ONECUT2: variants seen among roughly 807,000 people sequenced by gnomAD.
ONECUT2 encodes the protein one cut domain family member 2.
ONECUT2 carries 10 observed loss-of-function variants against 27.9 expected under a neutral mutation model. The ratio of observed to expected loss-of-function variants is 0.36; its 90% CI spans 0.22 to 0.61. The LOEUF is 0.61. Among genes scored for constraint, ONECUT2 ranks in the 20% least tolerant of loss-of-function variants. ONECUT2 has a pLI of 0.73. For missense variants in ONECUT2, 686 were observed against 721.0 expected (o/e 0.95, Z 0.56); for synonymous variants, 334 against 315.1 (o/e 1.06, Z -0.64).
intron 1 of ONECUT2, among the ~76,000 whole-genome samples, chr18:57,462,816 C>G (rs2122132885): frequency 7.0e-6 from 1 of 142,320 alleles, no homozygotes; most frequent in South Asian, 2.3e-4. Flanking sequence ...ACTGGAACCT[C>G]TGCCTCCCAG....
rs2050144061 is a variant in ONECUT2 at position 57,436,590 on chromosome 18, C to T, written c.874C>T (p.Leu292=). The part of the protein sequence containing the change: ...GTPPAAMMSH[L]NGLHHPGHTQ... ...CCCACCTGCGGCCATGATGTCGCAC[C>T]TGAACGGCCTGCACCACCCGGGCCA... Residue 292 remains leucine (L), a synonymous_variant, in exon 1 of 2, where the codon CTG becomes TTG. Transcript: ENST00000491143. The surrounding 1 kb of genome is among the most constrained non-coding windows in gnomAD (Gnocchi z 5.9). The T allele has an allele frequency of 1.2e-6, 2 of 1,610,406 alleles. No homozygotes were observed. Among genetic ancestry groups the T allele is most frequent in the South Asian group, 1.1e-5 (1 of 91,078 alleles).
chr18:57,474,880 GA>G (rs948423662), intron 1 of ONECUT2, among the ~76,000 whole-genome samples: 3 of 152,064 alleles, frequency 2.0e-5, no homozygotes, highest in African/African-American at 7.2e-5. Flanking sequence ...AGTCTTGGGG[GA>G]ATGTCAGTCC....
At chr18:57,461,657 T>G (rs913940196) in intron 1 of ONECUT2, among the ~76,000 whole-genome samples, 1 of 152,210 alleles carries the variant, frequency 6.6e-6, no homozygotes, top group Non-Finnish European at 1.5e-5. Flanking sequence ...TCTGTGAAAC[T>G]CCAGAGAAAA....
chr18:57,464,457 TTTTTTTG>T (rs1175039997), intron 1 of ONECUT2, among the ~76,000 whole-genome samples: 9 of 151,794 alleles, frequency 5.9e-5, no homozygotes, highest in African/African-American at 2.2e-4. Flanking sequence ...TTGTTTTTTG[TTTTTTTG>T]TTTTTGTTTT....
rs66773926 is a variant in ONECUT2 at position 57,460,687 on chromosome 18, C to CTTTT, written c.1229-15733_1229-15730dup. 1.3e-3 allele frequency among the ~76,000 whole-genome samples: 143 copies of CTTTT among 112,946 alleles called. 3 individuals are homozygous for CTTTT. The highest frequency in any genetic ancestry group is 5.8e-3 in the Middle Eastern group (1 of 172). The allele number at this position is 112,946 out of a possible 152,430, so 74.1% of individuals were successfully genotyped here. A position where few individuals can be genotyped will look rare whatever the true frequency, so the allele number is the denominator to read the frequency against. Reference sequence around the variant, plus strand: ...GGCACAGAGTTCTATTCATTCAAATCTTTTTTTTTTTTTTTTTTTTGAGAT... The same window carrying CTTTT: ...GGCACAGAGTTCTATTCATTCAAATCTTTTTTTTTTTTTTTTTTTTTTTTGAGAT... On this transcript the variant is annotated intron_variant, in intron 1 of 1. Coordinates refer to ENST00000491143, the MANE Select transcript of ONECUT2 (RefSeq NM_004852.3).
chr18:57,474,395 C>A (rs2050370330), intron 1 of ONECUT2, among the ~76,000 whole-genome samples: 1 of 152,168 alleles, frequency 6.6e-6, no homozygotes, highest in Non-Finnish European at 1.5e-5. Context: ...ACAACCACAA[C>A]AACAAAATAC....
rs557242725 is a variant in ONECUT2, at chr18:57,478,201, C to G, written c.*1478C>G. The G allele has an allele frequency of 9.2e-5, 14 of 152,686 alleles. No homozygotes were observed. The highest frequency in any genetic ancestry group is 3.4e-4 in the African/African-American group (14 of 41,564). 9.5% of individuals were successfully genotyped at this position (152,686 alleles called of 1,614,324 possible). On this transcript the variant is annotated 3_prime_UTR_variant, in exon 2 of 2. Transcript: ENST00000491143. The stretch of plus-strand genomic sequence containing the variant: ...CACCCAGAGGGGTGGCTTTGCCACA[C>G]CAGTTGTCACCTTCCCATAGCAAGT...
rs2050407258 is a variant in ONECUT2, at chr18:57,479,927, T to C, written c.*3204T>C. The C allele has an allele frequency of 6.6e-6, 1 of 152,128 alleles. No individual in the cohort carries two copies. Among genetic ancestry groups the C allele is most frequent in the Non-Finnish European group, 1.5e-5 (1 of 68,016 alleles). The allele number at this position is 152,128 out of a possible 1,614,324, so 9.4% of individuals were successfully genotyped here. A position where few individuals can be genotyped will look rare whatever the true frequency, so the allele number is the denominator to read the frequency against. On this transcript the variant is annotated 3_prime_UTR_variant, in exon 2 of 2. Transcript: ENST00000491143. The stretch of plus-strand genomic sequence containing the variant: ...TGTTGCAATGGGTTGATAGATTTCC[T>C]CAGGGTGGTAATTACCAATTCGTAT...
rs1187993709 is a variant in ONECUT2, at chr18:57,485,709, A to G, written c.*8986A>G. 2 of 152,196 alleles carry G rather than the reference A, an allele frequency of 1.3e-5. No homozygotes were observed. Among genetic ancestry groups the G allele is most frequent in the African/African-American group, 4.8e-5 (2 of 41,446 alleles). The allele number at this position is 152,196 out of a possible 1,614,324, so 9.4% of individuals were successfully genotyped here. On this transcript the variant is annotated 3_prime_UTR_variant, in exon 2 of 2. Transcript: ENST00000491143. ...ATTTAGACAAAGAAGCAAAGAGAGG[A>G]AGGGACCAATCAACTCATCAGTTCC...
intron 1 of ONECUT2, among the ~76,000 whole-genome samples, chr18:57,464,217 C>T (rs796474539): frequency 4.6e-5 from 7 of 152,230 alleles, no homozygotes; most frequent in African/African-American, 1.2e-4. Context: ...AGTTTATACA[C>T]GTAGAATTCT....
Position 57,477,781 on chromosome 18 carries a change from AC to A in ONECUT2, c.*1060del, listed in dbSNP as rs1258670258. On this transcript the variant is annotated 3_prime_UTR_variant, in exon 2 of 2. Coordinates refer to ENST00000491143, the MANE Select transcript of ONECUT2 (RefSeq NM_004852.3). Reference sequence around the variant, plus strand: ...CTGGTCCCTCCTACTGTGTGTTATGACCACCACGTAATCCATTCTCGCTCTT... The same window carrying A: ...CTGGTCCCTCCTACTGTGTGTTATGACACCACGTAATCCATTCTCGCTCTT... 6.6e-6 allele frequency: 1 copy of A among 152,388 alleles called. No homozygotes were observed. Among genetic ancestry groups the A allele is most frequent in the Non-Finnish European group, 1.5e-5 (1 of 68,000 alleles). The allele number at this position is 152,388 out of a possible 1,614,324, so 9.4% of individuals were successfully genotyped here.
In ONECUT2 at chr18:57,485,327, A is replaced by G. The variant is rs919894410; in HGVS notation, c.*8604A>G. 1.3e-5 allele frequency: 2 copies of G among 152,182 alleles called. No individual in the cohort carries two copies. Among genetic ancestry groups the G allele is most frequent in the Non-Finnish European group, 2.9e-5 (2 of 68,032 alleles). The allele number at this position is 152,182 out of a possible 1,614,324, so 9.4% of individuals were successfully genotyped here. A position where few individuals can be genotyped will look rare whatever the true frequency, so the allele number is the denominator to read the frequency against. On this transcript the variant is annotated 3_prime_UTR_variant, in exon 2 of 2. Transcript: ENST00000491143. Reference sequence around the variant, plus strand: ...ACTCTGTATTTATGAGAGAAGTTTAAGCCTTACATCATTTGATACTAAAGG... The same window carrying G: ...ACTCTGTATTTATGAGAGAAGTTTAGGCCTTACATCATTTGATACTAAAGG...
Position 57,436,276 on chromosome 18 carries a change from T to C in ONECUT2, c.560T>C (p.Leu187Pro). ...CACCACCACCACCACCACCAGCGCCTGTCCGGCAACGTCAGCGGCAGCTTC... is the reference window on the plus strand; with the variant it reads ...CACCACCACCACCACCACCAGCGCCCGTCCGGCAACGTCAGCGGCAGCTTC... ...HHHHHHHHQR[L>P]SGNVSGSFTL... Residue 187 changes from leucine to proline, a missense_variant, in exon 1 of 2, where the codon CTG (leucine) becomes CCG (proline). Transcript: ENST00000491143. This position sits in a 1 kb window ranked among gnomAD's most constrained non-coding sequence, Gnocchi z 5.9. 1 of 1,604,710 alleles carries C rather than the reference T, an allele frequency of 6.2e-7. No homozygotes were observed. The highest frequency in any genetic ancestry group is 8.5e-7 in the Non-Finnish European group (1 of 1,179,232).
chr18:57,473,299 A>G (rs1163403819), intron 1 of ONECUT2, among the ~76,000 whole-genome samples: 1 of 152,194 alleles, frequency 6.6e-6, no homozygotes, highest in African/African-American at 2.4e-5. Context: ...GTGTCATCAC[A>G]TATACTCCAA....
At chr18:57,445,220 A>G (rs1160782024) in intron 1 of ONECUT2, among the ~76,000 whole-genome samples, 2 of 152,226 alleles carry the variant, frequency 1.3e-5, no homozygotes, top group South Asian at 2.1e-4. Flanking sequence ...CTCCCCAGAA[A>G]TGCAATATTT....
chr18:57,470,985 G>A (rs575745141), intron 1 of ONECUT2, among the ~76,000 whole-genome samples: 31 of 152,358 alleles, frequency 2.0e-4, no homozygotes, highest in African/African-American at 7.2e-4. Flanking sequence ...CAGCCTTTCT[G>A]GCCGGGGAAG....
intron 1 of ONECUT2, among the ~76,000 whole-genome samples, chr18:57,448,162 C>G (rs944294859): frequency 6.6e-6 from 1 of 152,192 alleles, no homozygotes; most frequent in Non-Finnish European, 1.5e-5. Context: ...GTAAAATGGT[C>G]CTTGACTTCC....
intron 1 of ONECUT2, among the ~76,000 whole-genome samples, chr18:57,469,005 T>G (rs2050339042): frequency 6.6e-6 from 1 of 152,172 alleles, no homozygotes. Flanking sequence ...GAAGGGGGGT[T>G]ATTTCCATTC....
At position 57,476,678 on chromosome 18, in the gene ONECUT2, C is replaced by T; in HGVS notation, c.1470C>T (p.Ser490=). The T allele has an allele frequency of 6.2e-7, 1 of 1,614,160 alleles. No homozygotes were observed. Among genetic ancestry groups the T allele is most frequent in the Non-Finnish European group, 8.5e-7 (1 of 1,180,018 alleles). The change falls in exon 2 of 2, where the codon AGC becomes AGT. Residue 490 remains serine, a synonymous_variant. Transcript: ENST00000491143. ...RSLEKWQDDL[S]TGGSSSTSST... The stretch of plus-strand genomic sequence containing the variant: ...TGGAGAAGTGGCAAGACGATCTGAG[C>T]ACAGGGGGCTCCTCGTCCACCTCCA...
Sources: gnomAD v4.1 joint callset for allele counts (sites outside exome capture counted in the v4.1 genomes callset) on GRCh38, gnomAD v4.1.1 for gene constraint, Gnocchi (gnomAD v3.1) non-coding constraint, MANE v1.5 for transcripts, NCBI Gene and HGNC (gene_info 2026-07-23, HGNC 2026-07-21) for gene names.